The following FDXR variants were observed in gnomAD, a reference collection of about 807,000 sequenced individuals.
FDXR encodes the protein NADPH:adrenodoxin oxidoreductase, mitochondrial.
Under a neutral mutation model 58.3 loss-of-function variants are expected in FDXR, and 38 were observed. The observed-to-expected ratio is 0.65, with a 90% CI of 0.50 to 0.85. The LOEUF (loss-of-function observed/expected upper bound fraction) is 0.85, where lower values mean the gene tolerates loss of function less well. Ranked by LOEUF, FDXR falls within the 40% of genes least tolerant of loss-of-function variation. The pLI is 0.00. For missense variants in FDXR, 624 were observed against 671.0 expected (o/e 0.93, Z 0.77); for synonymous variants, 275 against 273.8 (o/e 1.00, Z -0.04).
rs375132029 is a variant in FDXR at position 74,865,828 on chromosome 17, G to A, written c.508-8C>T. 27 of 1,608,782 alleles carry A rather than the reference G, an allele frequency of 1.7e-5. No homozygotes were observed. Among genetic ancestry groups the A allele is most frequent in the Non-Finnish European group, 2.2e-5 (26 of 1,176,678 alleles). On this transcript the variant is annotated splice_polypyrimidine_tract_variant and splice_region_variant and intron_variant, in intron 5 of 11. Transcript: ENST00000293195. ...GCTCAGGTCTGGCTCCAGCTGGAGGGGAAAGGTCTTGATAGGGTCCCCCAG... is the reference window on the plus strand; with the variant it reads ...GCTCAGGTCTGGCTCCAGCTGGAGGAGAAAGGTCTTGATAGGGTCCCCCAG...
chr17:74,866,530 G>A lies in FDXR; in HGVS notation c.309C>T (p.Gly103=). 6.2e-7 allele frequency: 1 copy of A among 1,613,700 alleles called. No individual in the cohort carries two copies. Among genetic ancestry groups the A allele is most frequent in the South Asian group, 1.1e-5 (1 of 91,074 alleles). ...CCACGTTGCCCCAGAAGGCACAGCG[G>A]CCAGAATGGGCCGTCTGGGTAAATG... The part of the protein sequence containing the change: ...INTFTQTAHS[G]RCAFWGNVEV... Residue 103 remains glycine (G), a synonymous_variant, in exon 4 of 12, where the codon GGC becomes GGT. Coordinates refer to ENST00000293195, the MANE Select transcript of FDXR (RefSeq NM_024417.5).
intron 2 of FDXR, among the ~76,000 whole-genome samples, chr17:74,869,011 C>T (rs2038285965): frequency 6.6e-6 from 1 of 152,118 alleles, no homozygotes. Context: ...CCACTCAGAG[C>T]CCAAGCTGGA....
At position 74,862,891 on chromosome 17, in the gene FDXR, G is replaced by C; in HGVS notation, c.1402C>G (p.Arg468Gly). The C allele has an allele frequency of 6.2e-7, 1 of 1,613,194 alleles. No individual in the cohort carries two copies. The highest frequency in any genetic ancestry group is 8.5e-7 in the Non-Finnish European group (1 of 1,179,988). Residue 468 changes from arginine (R) to glycine (G), a missense_variant, in exon 12 of 12, where the codon CGG (arginine) becomes GGG (glycine). Physicochemically the swap from Arg to Gly is moderately radical, Grantham distance 125. Transcript: ENST00000293195. The part of the protein sequence containing the change: ...WEKLDAEEVA[R>G]GQGTGKPREK... ...CTGGGCTTCCCCGTGCCCTGGCCCC[G>C]GGCCACCTCCTCGGCATCCAGCTTC...
chr17:74,872,013 T>TG (rs775186064), intron 2 of FDXR, 23 bp downstream of exon 2: 4 of 1,534,724 alleles, frequency 2.6e-6, no homozygotes, highest in Non-Finnish European at 3.5e-6. Context: ...AGGTGAATGA[T>TG]GGACTATGAG....
intron 6 of FDXR, 94 bp from the exon 7 acceptor site, chr17:74,865,025 G>C (rs2038125391): frequency 6.3e-7 from 1 of 1,576,026 alleles, no homozygotes; most frequent in Admixed American, 1.7e-5. Context: ...CCTGGAGAAG[G>C]CTGGCGGCTC....
chr17:74,868,874 C>G (rs2038282173), intron 2 of FDXR: 1 of 815,980 alleles, frequency 1.2e-6, no homozygotes, highest in African/African-American at 1.7e-5. Context: ...GCCCAGACAT[C>G]TCCCCAAGCT....
In FDXR at chr17:74,866,151, C is replaced by T. The variant is rs1448497815; in HGVS notation, c.487G>A (p.Gly163Arg). 8 of 1,613,476 alleles carry T rather than the reference C, an allele frequency of 5.0e-6. No individual in the cohort carries two copies. The highest frequency in any genetic ancestry group is 6.8e-6 in the Non-Finnish European group (8 of 1,179,720). ...CTCACCTCCTGGTTCTCAGGAAGCC[C>T]GTTGTACCAGCCCACGAAGGCCCGG... ...SARAFVGWYN[G>R]LPENQELEPD... Residue 163 changes from glycine to arginine, a missense_variant, in exon 5 of 12, where the codon GGG becomes AGG. Physicochemically the swap from Gly to Arg is moderately radical, Grantham distance 125. Coordinates refer to ENST00000293195, the MANE Select transcript of FDXR (RefSeq NM_024417.5).
chr17:74,866,615 C>G (rs748910836), intron 3 of FDXR, 47 bp from the exon 4 acceptor site: 1 of 1,612,472 alleles, frequency 6.2e-7, no homozygotes. Flanking sequence ...TAAGGCAGCT[C>G]CAGGGACCAA....
At position 74,864,224 on chromosome 17, in the gene FDXR, C is replaced by T. The variant is rs948669536; in HGVS notation, c.926G>A (p.Arg309Gln). ...ASRAWGLRFF[R>Q]SPQQVLPSPD... The stretch of plus-strand genomic sequence containing the variant: ...TGAGGGCAGCACCTGCTGGGGGCTT[C>T]GGAAAAAGCGGAGGCCCCAGGCACG... Residue 309 changes from arginine (R) to glutamine (Q), a missense_variant, in exon 9 of 12, where the codon CGA becomes CAA. Transcript: ENST00000293195. 6.8e-6 allele frequency: 11 copies of T among 1,608,088 alleles called. No individual in the cohort carries two copies. Among genetic ancestry groups the T allele is most frequent in the African/African-American group, 2.7e-5 (2 of 74,828 alleles).
rs777828005 is a variant in FDXR at position 74,866,238 on chromosome 17, C to T, written c.400G>A (p.Gly134Arg). Residue 134 changes from glycine (G) to arginine (R), a missense_variant, in exon 5 of 12, where the codon GGG becomes AGG. Transcript: ENST00000293195. ...TCCAGGGCCCGATGGTCCTCTGCCC[C>T]GTAGCTCTGATGAAAGATGGCAGGC... ...EAYHAVVLSY[G>R]AEDHRALEIP... The T allele has an allele frequency of 2.5e-6, 4 of 1,613,160 alleles. No homozygotes were observed. Among genetic ancestry groups the T allele is most frequent in the East Asian group, 2.2e-5 (1 of 44,894 alleles).
At position 74,866,464 on chromosome 17, in the gene FDXR, G is replaced by C. The variant is rs550083102; in HGVS notation, c.375C>G (p.Ala125=). 4.5e-5 allele frequency: 72 copies of C among 1,613,290 alleles called. No homozygotes were observed. The South Asian group carries it at 7.6e-4, about 17-fold the overall frequency. ...CACTCACCAGCACCACAGCGTGGTA[G>C]GCCTCCTGCAGCTCCGGCACCGTCA... The part of the protein sequence containing the change: ...RDVTVPELQE[A]YHAVVLSYGA... Residue 125 remains alanine (A), a synonymous_variant, in exon 4 of 12, where the codon GCC becomes GCG. Transcript: ENST00000293195.
chr17:74,862,911 A>C lies in FDXR; in HGVS notation c.1382T>G (p.Leu461Arg), dbSNP rs1253369855. 1 of 1,612,982 alleles carries C rather than the reference A, an allele frequency of 6.2e-7. No homozygotes were observed. Among genetic ancestry groups the C allele is most frequent in the Non-Finnish European group, 8.5e-7 (1 of 1,179,976 alleles). The change falls in exon 12 of 12, where the codon CTG becomes CGG. Residue 461 changes from leucine to arginine, a missense_variant. Leu to Arg is a moderately radical substitution (Grantham distance 102, BLOSUM62 -2). Transcript: ENST00000293195. ...GCCCCGGGCCACCTCCTCGGCATCCAGCTTCTCCCAGTCTGAGAAAGAGAC... is the reference window on the plus strand; with the variant it reads ...GCCCCGGGCCACCTCCTCGGCATCCCGCTTCTCCCAGTCTGAGAAAGAGAC... The part of the protein sequence containing the change: ...RPVSFSDWEK[L>R]DAEEVARGQG...
intron 2 of FDXR, chr17:74,868,434 T>C (rs1362975730): frequency 1.4e-6 from 1 of 734,504 alleles, no homozygotes; most frequent in Admixed American, 2.0e-5. Context: ...CTATCATTAC[T>C]ATTCTGTTGT....
In FDXR at chr17:74,872,936, C is replaced by A. The variant is rs752926045; in HGVS notation, c.9G>T (p.Ser3=). The A allele has an allele frequency of 6.4e-7, 1 of 1,556,086 alleles. No individual in the cohort carries two copies. Among genetic ancestry groups the A allele is most frequent in the African/African-American group, 1.4e-5 (1 of 73,866 alleles). MA[S]RCWRWWGWSA... is the part of the protein sequence containing the mutation. Reference sequence around the variant, plus strand: ...ACCAGCCCCACCAGCGCCAGCAGCGCGAAGCCATGGCTGGGAGCAGCAACC... The same window carrying A: ...ACCAGCCCCACCAGCGCCAGCAGCGAGAAGCCATGGCTGGGAGCAGCAACC... Residue 3 remains serine, a synonymous_variant, in exon 1 of 12, where the codon TCG becomes TCT. Transcript: ENST00000293195.
chr17:74,868,611 C>T, intron 2 of FDXR: 1 of 1,535,692 alleles, frequency 6.5e-7, no homozygotes, highest in Non-Finnish European at 8.7e-7. Flanking sequence ...ATGTCCTCTC[C>T]AGGGCCACCT....
Position 74,866,817 on chromosome 17 carries a change from G to A in FDXR, c.237C>T (p.Arg79=), listed in dbSNP as rs771911130. Residue 79 remains arginine (R), a synonymous_variant, in exon 3 of 12, where the codon CGC becomes CGT. Transcript: ENST00000293195. The part of the protein sequence containing the change: ...EKQPVPFGLV[R]FGVAPDHPEV... Reference sequence around the variant, plus strand: ...CGGGGTGATCAGGCGCCACACCAAAGCGCACCAGGCCAAAGGGCACAGGCT... The same window carrying A: ...CGGGGTGATCAGGCGCCACACCAAAACGCACCAGGCCAAAGGGCACAGGCT... The A allele has an allele frequency of 2.5e-6, 4 of 1,614,102 alleles. No individual in the cohort carries two copies. Among genetic ancestry groups the A allele is most frequent in the Non-Finnish European group, 3.4e-6 (4 of 1,180,054 alleles).
intron 7 of FDXR, 73 bp downstream of exon 7, chr17:74,864,751 G>A: frequency 6.3e-7 from 1 of 1,595,502 alleles, no homozygotes; most frequent in Non-Finnish European, 8.6e-7. Context: ...CAGGGGCTCT[G>A]CCCCACCCCA....
rs955080990 is a variant in FDXR at position 74,862,653 on chromosome 17, G to GCGA, written c.*161_*163dup. 4.0e-6 allele frequency: 4 copies of GCGA among 1,001,022 alleles called. No individual in the cohort carries two copies. The highest frequency in any genetic ancestry group is 5.7e-6 in the Non-Finnish European group (4 of 705,522). The allele number at this position is 1,001,022 out of a possible 1,614,324, so 62.0% of individuals were successfully genotyped here. ...GAAAGCTAAAACCTTGCGCGCAAGG[G>GCGA]CGACCTTCCCCAGGAGGGAGGAGAG... is the stretch of plus-strand genomic sequence containing the variant. On this transcript the variant is annotated 3_prime_UTR_variant, in exon 12 of 12. Coordinates refer to ENST00000293195, the MANE Select transcript of FDXR (RefSeq NM_024417.5).
rs1446886210 is a variant in FDXR at position 74,872,152 on chromosome 17, G to A, written c.80-19C>T. ...CAGAAGCCTGGGGCCAGGCAGAGGA[G>A]AGGGAAAAGGTCAAAATTAACTTCT... On this transcript the variant is annotated intron_variant, in intron 1 of 11. Transcript: ENST00000293195. The A allele has an allele frequency of 6.2e-7, 1 of 1,603,666 alleles. No individual in the cohort carries two copies. The highest frequency in any genetic ancestry group is 1.1e-5 in the South Asian group (1 of 89,944).
Sources: allele counts gnomAD v4.1 joint callset (sites outside exome capture counted in the v4.1 genomes callset), GRCh38; gene constraint gnomAD v4.1.1; transcripts MANE v1.5; gene names NCBI Gene and HGNC (gene_info 2026-07-23, HGNC 2026-07-21).